The following ARHGEF7 variants were observed in gnomAD, a reference collection of about 807,000 sequenced individuals.
The protein encoded by ARHGEF7 is PAK-interacting exchange factor beta.
In ARHGEF7, 33 loss-of-function variants were observed where a neutral mutation model predicts 109.8. The observed-to-expected ratio is 0.30, with a 90% confidence interval of 0.23 to 0.40. The LOEUF is 0.40. Ranked by LOEUF, ARHGEF7 falls within the 10% of genes least tolerant of loss-of-function variation. ARHGEF7 has a pLI of 1.00. For missense variants in ARHGEF7, 938 were observed against 1,098.5 expected, an observed-to-expected ratio of 0.85 and a Z score of 2.07; for synonymous variants, 458 against 424.6, an observed-to-expected ratio of 1.08 and a Z score of -0.97.
At chr13:111,237,991 A>T in intron 6 of ARHGEF7, among the ~76,000 whole-genome samples, 1 of 152,208 alleles carries the variant, frequency 6.6e-6, no homozygotes, top group Non-Finnish European at 1.5e-5. Context: ...GCCAGCGTGG[A>T]ACATGGCAGG....
In ARHGEF7 at chr13:111,115,510, C is replaced by A. The variant is rs771888753; in HGVS notation, c.-17C>A. 8.3e-5 allele frequency: 108 copies of A among 1,298,608 alleles called. No homozygotes were observed. The South Asian group carries it at 1.7e-3, about 20-fold the overall frequency. The allele number at this position is 1,298,608 out of a possible 1,614,324, so 80.4% of individuals were successfully genotyped here. On this transcript the variant is annotated 5_prime_UTR_variant, in exon 1 of 22. Transcript: ENST00000646102. ...GAAGGCGCGCGCCCCTCCCCGCCTG[C>A]CTCCCGGGCCGCAGCGATGAATTCC...
intron 2 of ARHGEF7, among the ~76,000 whole-genome samples, chr13:111,200,985 G>GC (rs2081151730): frequency 6.6e-6 from 1 of 152,068 alleles, no homozygotes; most frequent in Non-Finnish European, 1.5e-5. Flanking sequence ...GCTCGGGGGG[G>GC]ATTTCCCTCA....
intron 8 of ARHGEF7, among the ~76,000 whole-genome samples, chr13:111,262,192 C>A (rs1452851176): frequency 3.3e-5 from 5 of 152,034 alleles, no homozygotes; most frequent in African/African-American, 1.2e-4. Context: ...ATTGACAAAC[C>A]TTTAGTCAGA....
chr13:111,266,162 G>A lies in ARHGEF7; in HGVS notation c.951-1386G>A, dbSNP rs780926418. On this transcript the variant is annotated intron_variant, in intron 8 of 21. Coordinates refer to ENST00000646102, the MANE Select transcript of ARHGEF7 (RefSeq NM_001354046.2). This position sits in a 1 kb window ranked among gnomAD's most constrained non-coding sequence, Gnocchi z 4.8. ...GCAGTTAATCCATGTGAATGCTCAC[G>A]GTTGACTCAGATGGAGACAGTTAGA... Among the ~76,000 whole-genome samples, 16 of 152,126 alleles carry A rather than the reference G, an allele frequency of 1.1e-4. No homozygotes were observed. Among genetic ancestry groups the A allele is most frequent in the Admixed American group, 7.9e-4 (12 of 15,284 alleles).
At chr13:111,165,527 G>A (rs141057874) in intron 2 of ARHGEF7, among the ~76,000 whole-genome samples, 4 of 152,290 alleles carry the variant, frequency 2.6e-5, no homozygotes, top group African/African-American at 7.2e-5. Flanking sequence ...CTAAGTTTCT[G>A]TGTATTCTCT....
intron 1 of ARHGEF7, among the ~76,000 whole-genome samples, chr13:111,129,937 C>T (rs1039659864): frequency 3.3e-5 from 5 of 152,148 alleles, no homozygotes; most frequent in Admixed American, 6.5e-5. Flanking sequence ...GTGTTCATAA[C>T]AGCTGTATTT....
At chr13:111,221,580 T>G (rs71445081) in intron 5 of ARHGEF7, among the ~76,000 whole-genome samples, 43,830 of 76,066 alleles carry the variant, frequency 0.58, 10,921 homozygotes, top group South Asian at 0.69. Flanking sequence ...GATACATATC[T>G]ATATATATCT....
At chr13:111,155,902 C>G (rs941738210) in intron 2 of ARHGEF7, among the ~76,000 whole-genome samples, 5 of 151,500 alleles carry the variant, frequency 3.3e-5, no homozygotes, top group African/African-American at 1.2e-4. Context: ...ATGGTGAAAC[C>G]CTGTCTATAC....
intron 19 of ARHGEF7, among the ~76,000 whole-genome samples, chr13:111,299,658 A>G (rs766710999): frequency 1.3e-5 from 2 of 152,218 alleles, no homozygotes; most frequent in Non-Finnish European, 2.9e-5. Flanking sequence ...ATTCTTTAAA[A>G]TCCCGTCTTC....
chr13:111,119,753 A>G (rs956568323), intron 1 of ARHGEF7, among the ~76,000 whole-genome samples: 3 of 152,060 alleles, frequency 2.0e-5, no homozygotes, highest in African/African-American at 7.3e-5. Context: ...TAAACTGGAG[A>G]CTCACTTTCT....
At chr13:111,186,867 G>A in intron 2 of ARHGEF7, 1 of 985,486 alleles carries the variant, frequency 1.0e-6, no homozygotes, top group Non-Finnish European at 1.2e-6. Flanking sequence ...GGTGGAAAGT[G>A]AGGAGAAGCA....
chr13:111,207,733 A>G (rs9560007), intron 3 of ARHGEF7, among the ~76,000 whole-genome samples: 117,832 of 152,158 alleles, frequency 0.77, 45,820 homozygotes, highest in South Asian at 0.89. Flanking sequence ...ATTGTCAACC[A>G]TCTAGGTTTG....
intron 17 of ARHGEF7, among the ~76,000 whole-genome samples, 173 bp downstream of exon 17, chr13:111,286,413 G>A (rs2093021110): frequency 6.6e-6 from 1 of 152,094 alleles, no homozygotes; most frequent in Non-Finnish European, 1.5e-5. Context: ...CAAGCAAGCA[G>A]GAGAAGCGCC....
At chr13:111,133,765 A>G (rs1235016540) in intron 1 of ARHGEF7, among the ~76,000 whole-genome samples, 127 of 4,082 alleles carry the variant, frequency 0.031, 2 homozygotes, top group African/African-American at 0.12. Flanking sequence ...GCTTTTCTTT[A>G]TATATATATA....
chr13:111,247,063 T>C (rs181767626), intron 8 of ARHGEF7, among the ~76,000 whole-genome samples: 3 of 152,218 alleles, frequency 2.0e-5, no homozygotes, highest in Admixed American at 2.0e-4. Flanking sequence ...GCTACATGTA[T>C]ACGAGGTGTT....
chr13:111,212,707 C>T (rs941084676), intron 4 of ARHGEF7, among the ~76,000 whole-genome samples: 4 of 152,140 alleles, frequency 2.6e-5, no homozygotes, highest in Admixed American at 2.6e-4. Flanking sequence ...AGTGTATTTC[C>T]AAGACATGCA....
At chr13:111,264,329 G>A (rs1400963742) in intron 8 of ARHGEF7, among the ~76,000 whole-genome samples, 2 of 152,212 alleles carry the variant, frequency 1.3e-5, no homozygotes, top group Non-Finnish European at 2.9e-5. Context: ...CGCAACTGAA[G>A]AACTGAATTT....
chr13:111,116,121 G>A (rs1213165699), intron 1 of ARHGEF7, among the ~76,000 whole-genome samples: 2 of 151,892 alleles, frequency 1.3e-5, no homozygotes, highest in Non-Finnish European at 2.9e-5. Context: ...GGCGTTGCGT[G>A]AGTTTCGCCT....
At chr13:111,291,903 G>A (rs537883202) in intron 18 of ARHGEF7, among the ~76,000 whole-genome samples, 1 of 152,284 alleles carries the variant, frequency 6.6e-6, no homozygotes, top group East Asian at 1.9e-4. Flanking sequence ...AATCGATCTA[G>A]TTTTATTCTA....
Sources: gnomAD v4.1 joint callset for allele counts (sites outside exome capture counted in the v4.1 genomes callset) on GRCh38, gnomAD v4.1.1 for gene constraint, Gnocchi (gnomAD v3.1) non-coding constraint, MANE v1.5 for transcripts, NCBI Gene and HGNC (gene_info 2026-07-23, HGNC 2026-07-21) for gene names.